The following RNF31 variants were observed in gnomAD, a reference collection of about 807,000 sequenced individuals.
RNF31 encodes the protein E3 ubiquitin-protein ligase RNF31.
A neutral mutation model predicts 133.6 loss-of-function variants in RNF31; 38 were observed. The ratio of observed to expected loss-of-function variants is 0.28; its 90% confidence interval spans 0.22 to 0.37. The LOEUF is 0.37. RNF31 is among the 10% of genes least tolerant of loss of function. The pLI is 1.00. For synonymous variants in RNF31, 582 were observed against 552.3 expected, an observed-to-expected ratio of 1.05 and a Z score of -0.75; for missense variants, 1,118 against 1,394.1, an observed-to-expected ratio of 0.80 and a Z score of 3.15.
intron 11 of RNF31, among the ~76,000 whole-genome samples, chr14:24,153,162 T>C (rs2038293843): frequency 6.6e-6 from 1 of 152,112 alleles, no homozygotes; most frequent in Non-Finnish European, 1.5e-5. Flanking sequence ...AAAAAGAATT[T>C]TGCTGGGCAT....
At chr14:24,147,273 A>T (rs1460206242), upstream of RNF31, 2 of 172,100 alleles carry the variant, frequency 1.2e-5, no homozygotes, top group East Asian at 3.3e-4. Flanking sequence ...GCCTGCGGCT[A>T]TCCGGAAGGG....
At position 24,151,270 on chromosome 14, in the gene RNF31, A is replaced by T; in HGVS notation, c.1628A>T (p.Asp543Val). 6.2e-7 allele frequency: 1 copy of T among 1,614,128 alleles called. No homozygotes were observed. Among genetic ancestry groups the T allele is most frequent in the Non-Finnish European group, 8.5e-7 (1 of 1,180,016 alleles). The change falls in exon 9 of 21, where the codon GAC (aspartate) becomes GTC (valine). Residue 543 changes from aspartate to valine, a missense_variant. Asp to Val is a radical substitution (Grantham distance 152). This residue lies in a region of RNF31 where 747 missense variants were observed against 827.9 expected (regional missense o/e 0.90). Transcript: ENST00000324103. This position sits in a 1 kb window ranked among gnomAD's most constrained non-coding sequence, Gnocchi z 5.3. ...GTGGCTGAGCTGGCTGGACAGCAGGACCCTGGGCTGGGTGCCTTTTCCTGT... is the reference window on the plus strand; with the variant it reads ...GTGGCTGAGCTGGCTGGACAGCAGGTCCCTGGGCTGGGTGCCTTTTCCTGT... The part of the protein sequence containing the change: ...EMVAELAGQQ[D>V]PGLGAFSCQE...
chr14:24,151,842 G>C lies in RNF31; in HGVS notation c.1980G>C (p.Glu660Asp). ...VYALPSWGRA[E>D]LALSLLQETP... ...CACTCCCCAGCTGGGGCCGGGCAGA[G>C]CTGGCACTGTCACTGCTGCAGGAGA... is the stretch of plus-strand genomic sequence containing the variant. The change falls in exon 11 of 21, where the codon GAG (glutamate) becomes GAC (aspartate). Residue 660 changes from glutamate to aspartate, a missense_variant. Transcript: ENST00000324103. The surrounding 1 kb of genome is among the most constrained non-coding windows in gnomAD (Gnocchi z 5.3). 6.2e-7 allele frequency: 1 copy of C among 1,614,082 alleles called. No homozygotes were observed. Among genetic ancestry groups the C allele is most frequent in the Admixed American group, 1.7e-5 (1 of 60,020 alleles).
rs760303881 is a variant in RNF31 at position 24,160,353 on chromosome 14, C to G, written c.3111C>G (p.Arg1037=). The change falls in exon 20 of 21, where the codon CGC becomes CGG. Residue 1037 remains arginine (R), a synonymous_variant. Coordinates refer to ENST00000324103, the MANE Select transcript of RNF31 (RefSeq NM_017999.5). The surrounding 1 kb of genome is among the most constrained non-coding windows in gnomAD (Gnocchi z 4.0). The stretch of plus-strand genomic sequence containing the variant: ...CCACTGAGCGCTACCTGCACGTACG[C>G]CCCCAGCCTTTGGCTGGAGAGGATC... The part of the protein sequence containing the change: ...ETATERYLHV[R]PQPLAGEDPP... 1.2e-6 allele frequency: 2 copies of G among 1,614,038 alleles called. No homozygotes were observed. Among genetic ancestry groups the G allele is most frequent in the African/African-American group, 1.3e-5 (1 of 74,920 alleles).
At chr14:24,154,575 G>A (rs1486058115) in intron 11 of RNF31, among the ~76,000 whole-genome samples, 2 of 152,170 alleles carry the variant, frequency 1.3e-5, no homozygotes, top group Non-Finnish European at 2.9e-5. Context: ...AGCGTGCCCG[G>A]CCCCCAGTGG....
At position 24,150,876 on chromosome 14, in the gene RNF31, G is replaced by A; in HGVS notation, c.1476G>A (p.Val492=). ...TGCGGGAAGAAGGCCTCCAGCTAGT[G>A]AGCATGATCCGGGTAAGGACTGGGC... ...DKMREEGLQL[V]SMIREGEAAG... Residue 492 remains valine (V), a synonymous_variant, in exon 8 of 21, where the codon GTG becomes GTA. Coordinates refer to ENST00000324103, the MANE Select transcript of RNF31 (RefSeq NM_017999.5). 2 of 1,557,540 alleles carry A rather than the reference G, an allele frequency of 1.3e-6. No homozygotes were observed. Among genetic ancestry groups the A allele is most frequent in the Non-Finnish European group, 1.7e-6 (2 of 1,150,792 alleles).
intron 11 of RNF31, among the ~76,000 whole-genome samples, chr14:24,154,581 A>G (rs1365173211): frequency 2.0e-5 from 3 of 152,136 alleles, no homozygotes; most frequent in Non-Finnish European, 4.4e-5. Flanking sequence ...CCCGGCCCCC[A>G]GTGGTGACTT....
rs1230670306 is a variant in RNF31 at position 24,159,712 on chromosome 14, C to CT, written c.2900-151dup. On this transcript the variant is annotated intron_variant, in intron 18 of 20. Transcript: ENST00000324103. ...AGATGGTCTGCCGTTGACGGCACCT[C>CT]TGAGTACCCACCAGCACCACTGGGA... The CT allele has an allele frequency of 1.4e-5, 9 of 645,066 alleles. No homozygotes were observed. In the East Asian group the frequency reaches 2.1e-4, roughly 15 times the overall value. The allele number at this position is 645,066 out of a possible 1,614,324, so 40.0% of individuals were successfully genotyped here. A position where few individuals can be genotyped will look rare whatever the true frequency, so the allele number is the denominator to read the frequency against.
rs774903302 is a variant in RNF31, at chr14:24,157,521, C to T, written c.2610C>T (p.Asp870=). ...LAMYLQENGI[D]CPKCKFSYAL... ...GCCCTGACCTCTTGTCCTTTGCAGA[C>T]TGCCCCAAATGCAAGTTCTCGTACG... Residue 870 remains aspartate, a splice_region_variant and synonymous_variant, in exon 16 of 21, where the codon GAC becomes GAT. Coordinates refer to ENST00000324103, the MANE Select transcript of RNF31 (RefSeq NM_017999.5). 4 of 1,613,982 alleles carry T rather than the reference C, an allele frequency of 2.5e-6. No individual in the cohort carries two copies. In the Admixed American group the frequency reaches 6.7e-5, roughly 27 times the overall value.
At position 24,150,719 on chromosome 14, in the gene RNF31, C is replaced by T; in HGVS notation, c.1319C>T (p.Pro440Leu). 1.2e-6 allele frequency: 2 copies of T among 1,614,170 alleles called. No individual in the cohort carries two copies. The highest frequency in any genetic ancestry group is 1.1e-5 in the South Asian group (1 of 91,086). The change falls in exon 8 of 21, where the codon CCA (proline) becomes CTA (leucine). Residue 440 changes from proline (P) to leucine (L), a missense_variant. This residue lies in a region of RNF31 where 747 missense variants were observed against 827.9 expected (regional missense o/e 0.90). Transcript: ENST00000324103. ...VMCNRTSSPIPAQHAPRPYAS... is the reference protein window; with the variant it reads ...VMCNRTSSPILAQHAPRPYAS... The stretch of plus-strand genomic sequence containing the variant: ...TGCAACCGGACTAGTAGCCCCATTC[C>T]AGCACAACATGCCCCCCGGCCCTAT...
At position 24,151,990 on chromosome 14, in the gene RNF31, C is replaced by T. The variant is rs1358080362; in HGVS notation, c.2128C>T (p.Arg710Trp). 6.2e-7 allele frequency: 1 copy of T among 1,613,670 alleles called. No individual in the cohort carries two copies. Among genetic ancestry groups the T allele is most frequent in the Non-Finnish European group, 8.5e-7 (1 of 1,179,834 alleles). Residue 710 changes from arginine (R) to tryptophan (W), a missense_variant and splice_region_variant, in exon 11 of 21, where the codon CGG (arginine) becomes TGG (tryptophan). This residue lies in a region of RNF31 where 201 missense variants were observed against 371.7 expected (regional missense o/e 0.54). Transcript: ENST00000324103. This position sits in a 1 kb window ranked among gnomAD's most constrained non-coding sequence, Gnocchi z 5.3. ...GTGTGGCTGGGCCCTGCCCCACAAC[C>T]GGGTAAGTCCCTCCCCACGATACCT... is the stretch of plus-strand genomic sequence containing the variant. ...AVCGWALPHN[R>W]MQALTSCECT...
In RNF31 at chr14:24,155,843, G is replaced by A. The variant is rs2038334259; in HGVS notation, c.2493+151G>A. 4.6e-6 allele frequency: 3 copies of A among 647,270 alleles called. No homozygotes were observed. 40.1% of individuals were successfully genotyped at this position (647,270 alleles called of 1,614,324 possible). A position where few individuals can be genotyped will look rare whatever the true frequency, so the allele number is the denominator to read the frequency against. ...ACTACTCAGAAAGACTAGGCACAAG[G>A]AGAAAGGGAAGCAGAGGGAGGGAGG... On this transcript the variant is annotated intron_variant, in intron 14 of 20. Transcript: ENST00000324103. The surrounding 1 kb of genome is among the most constrained non-coding windows in gnomAD (Gnocchi z 4.9).
intron 11 of RNF31, among the ~76,000 whole-genome samples, chr14:24,154,689 C>T (rs555322269): frequency 9.2e-5 from 14 of 152,210 alleles, no homozygotes; most frequent in East Asian, 7.7e-4. Context: ...ATGGATATGC[C>T]GCTGTGTGTA....
intron 6 of RNF31, 126 bp from the exon 7 acceptor site, chr14:24,149,935 G>C (rs758729393): frequency 1.2e-5 from 14 of 1,186,578 alleles, no homozygotes; most frequent in African/African-American, 3.1e-5. Context: ...AGGAGTATTC[G>C]AGACAGACAA....
Position 24,151,177 on chromosome 14 carries a change from T to A in RNF31, c.1535T>A (p.Leu512Gln). 6.2e-7 allele frequency: 1 copy of A among 1,614,156 alleles called. No homozygotes were observed. The change falls in exon 9 of 21, where the codon CTG becomes CAG. Residue 512 changes from leucine to glutamine, a missense_variant. Leu to Gln is a moderately radical substitution (Grantham distance 113, BLOSUM62 -2). Transcript: ENST00000324103. This position sits in a 1 kb window ranked among gnomAD's most constrained non-coding sequence, Gnocchi z 5.3. ...GACPEEIFSALQYSGTEVPLQ... is the reference protein window; with the variant it reads ...GACPEEIFSAQQYSGTEVPLQ... ...TGTCCAGAGGAGATCTTCTCGGCTC[T>A]GCAGTACTCGGGCACTGAGGTGCCT...
rs749269474 is a variant in RNF31, at chr14:24,150,862, G to C, written c.1462G>C (p.Gly488Arg). The C allele has an allele frequency of 1.3e-6, 2 of 1,564,614 alleles. No homozygotes were observed. Among genetic ancestry groups the C allele is most frequent in the Non-Finnish European group, 8.7e-7 (1 of 1,154,194 alleles). The change falls in exon 8 of 21, where the codon GGC becomes CGC. Residue 488 changes from glycine (G) to arginine (R), a missense_variant. Coordinates refer to ENST00000324103, the MANE Select transcript of RNF31 (RefSeq NM_017999.5). ...GCGCCAAGACAAGATGCGGGAAGAA[G>C]GCCTCCAGCTAGTGAGCATGATCCG... is the stretch of plus-strand genomic sequence containing the variant. ...KQRQDKMREE[G>R]LQLVSMIREG...
At position 24,160,130 on chromosome 14, in the gene RNF31, G is replaced by A; in HGVS notation, c.2997-109G>A. On this transcript the variant is annotated intron_variant, in intron 19 of 20. Coordinates refer to ENST00000324103, the MANE Select transcript of RNF31 (RefSeq NM_017999.5). This position sits in a 1 kb window ranked among gnomAD's most constrained non-coding sequence, Gnocchi z 4.0. Reference sequence around the variant, plus strand: ...GATAGTAGCAGGCAGTGTGGGCACAGGTGGGTTGTTAATCTTGTTCGTCCA... The same window carrying A: ...GATAGTAGCAGGCAGTGTGGGCACAAGTGGGTTGTTAATCTTGTTCGTCCA... 2 of 1,398,722 alleles carry A rather than the reference G, an allele frequency of 1.4e-6. No homozygotes were observed. The highest frequency in any genetic ancestry group is 2.0e-6 in the Non-Finnish European group (2 of 1,019,892). 86.6% of individuals were successfully genotyped at this position (1,398,722 alleles called of 1,614,324 possible).
At chr14:24,158,346 T>C in intron 18 of RNF31, 147 bp downstream of exon 18, 1 of 708,608 alleles carries the variant, frequency 1.4e-6, no homozygotes, top group South Asian at 1.9e-5. Context: ...TTTCTTCCGC[T>C]GTAAAATGGA....
rs1566615739 is a variant in RNF31 at position 24,155,140 on chromosome 14, A to G, written c.2131-17A>G. 6.2e-7 allele frequency: 1 copy of G among 1,609,514 alleles called. No homozygotes were observed. Among genetic ancestry groups the G allele is most frequent in the East Asian group, 2.2e-5 (1 of 44,754 alleles). ...TGTGGCTTCTGACCCCCTCCCCTCC[A>G]ACCCCTCACCCTCCAGATGCAGGCC... is the stretch of plus-strand genomic sequence containing the variant. On this transcript the variant is annotated splice_polypyrimidine_tract_variant and intron_variant, in intron 11 of 20. Coordinates refer to ENST00000324103, the MANE Select transcript of RNF31 (RefSeq NM_017999.5). This position sits in a 1 kb window ranked among gnomAD's most constrained non-coding sequence, Gnocchi z 4.9.
Sources: allele counts gnomAD v4.1 joint callset (sites outside exome capture counted in the v4.1 genomes callset), GRCh38; gene constraint gnomAD v4.1.1; regional missense constraint gnomAD v4.1.1; non-coding constraint Gnocchi (gnomAD v3.1); transcripts MANE v1.5; gene names NCBI Gene and HGNC (gene_info 2026-07-23, HGNC 2026-07-21).